The following BTNL2 variants were observed in gnomAD, a reference collection of about 807,000 sequenced individuals.
BTNL2 encodes the protein butyrophilin like 2.
A neutral mutation model predicts 46.8 loss-of-function variants in BTNL2; 46 were observed. That is an observed-to-expected ratio of 0.98 (90% CI 0.78 to 1.26). The LOEUF is 1.26. BTNL2 is among the 50% of genes most tolerant of loss of function. The pLI, the probability that BTNL2 is intolerant of heterozygous loss-of-function variation, is 0.00. For synonymous variants in BTNL2, 226 were observed against 229.1 expected (o/e 0.99, Z 0.12); for missense variants, 461 against 592.6 (o/e 0.78, Z 2.31).
intron 4 of BTNL2, among the ~76,000 whole-genome samples, chr6:32,397,881 G>A (rs116846438): frequency 0.012 from 1,862 of 152,280 alleles, 69 homozygotes; most frequent in East Asian, 0.11. Context: ...TGTAAGTCTG[G>A]TCCAGCCGCT....
At position 32,405,805 on chromosome 6, in the gene BTNL2, CTGTTTTTTTTT is replaced by C. The variant is rs9281779; in HGVS notation, c.80-530_80-520del. On this transcript the variant is annotated intron_variant, in intron 1 of 7. Coordinates refer to ENST00000454136, the MANE Select transcript of BTNL2 (RefSeq NM_001304561.2). ...ATTCCTCTTCTCTTAGATATAAAAA[CTGTTTTTTTTT>C]TGTTTTTTTTTTGTTTGTTTTTTTC... Among the ~76,000 whole-genome samples the C allele has an allele frequency of 0.014, 1,092 of 79,476 alleles. 24 individuals are homozygous for C. In the East Asian group the frequency reaches 0.14, roughly 10 times the overall value. 52.1% of individuals were successfully genotyped at this position (79,476 alleles called of 152,430 possible).
intron 4 of BTNL2, among the ~76,000 whole-genome samples, chr6:32,397,211 T>C (rs1332998594): frequency 6.6e-6 from 1 of 152,228 alleles, no homozygotes; most frequent in African/African-American, 2.4e-5. Flanking sequence ...AAAATTATTT[T>C]ATGAATAAGC....
chr6:32,394,594 C>T lies in BTNL2; in HGVS notation c.1360+150G>A. 1 of 908,420 alleles carries T rather than the reference C, an allele frequency of 1.1e-6. No homozygotes were observed. Among genetic ancestry groups the T allele is most frequent in the Non-Finnish European group, 1.6e-6 (1 of 621,150 alleles). The allele number at this position is 908,420 out of a possible 1,614,324, so 56.3% of individuals were successfully genotyped here. A position where few individuals can be genotyped will look rare whatever the true frequency, so the allele number is the denominator to read the frequency against. On this transcript the variant is annotated intron_variant, in intron 6 of 7. Transcript: ENST00000454136. This position sits in a 1 kb window ranked among gnomAD's most constrained non-coding sequence, Gnocchi z 4.6. ...CAGAGGAGTAGAATCCCTGGGTGTC[C>T]TGAAAACCAGCTTTGCAGAGGATAG...
chr6:32,403,107 G>A lies in BTNL2; in HGVS notation c.537C>T (p.Asp179=), dbSNP rs746683370. The change falls in exon 3 of 8, where the codon GAC becomes GAT. Residue 179 remains aspartate (D), a synonymous_variant. Coordinates refer to ENST00000454136, the MANE Select transcript of BTNL2 (RefSeq NM_001304561.2). ...WFPEPQVYWE[D]IRGEKLLAVS... is the part of the protein sequence containing the mutation. ...CGGCCAGCAGCTTCTCTCCCCGGAT[G>A]TCTTCCCAATACACCTGGGGCTCTG... 2 of 1,612,768 alleles carry A rather than the reference G, an allele frequency of 1.2e-6. No homozygotes were observed. Among genetic ancestry groups the A allele is most frequent in the South Asian group, 1.1e-5 (1 of 91,086 alleles).
rs747520368 is a variant in BTNL2, at chr6:32,405,348, T to C, written c.80-62A>G. ...CAATCAGAAAATCATATGCATGCTT[T>C]GGGGTGTCCAGCCTGTCAAAATGGA... On this transcript the variant is annotated intron_variant, in intron 1 of 7. Coordinates refer to ENST00000454136, the MANE Select transcript of BTNL2 (RefSeq NM_001304561.2). 19 of 1,500,390 alleles carry C rather than the reference T, an allele frequency of 1.3e-5. No individual in the cohort carries two copies. The South Asian group carries it at 2.2e-4, about 17-fold the overall frequency. 92.9% of individuals were successfully genotyped at this position (1,500,390 alleles called of 1,614,324 possible).
intron 4 of BTNL2, among the ~76,000 whole-genome samples, chr6:32,401,036 G>A (rs1776747539): frequency 1.5e-5 from 2 of 137,720 alleles, no homozygotes; most frequent in Non-Finnish European, 1.6e-5. Context: ...GTGAAATCTC[G>A]TCTCTACTAA....
intron 4 of BTNL2, among the ~76,000 whole-genome samples, chr6:32,401,277 A>G (rs1372959770): frequency 6.7e-6 from 1 of 148,740 alleles, no homozygotes; most frequent in East Asian, 2.0e-4. Context: ...GGTTGCACTC[A>G]GAAAGTAACA....
rs9268482 is a variant in BTNL2, at chr6:32,400,000, A to T, written c.730+1785T>A. Among the ~76,000 whole-genome samples the T allele has an allele frequency of 0.24, 36,231 of 152,042 alleles. 4,526 individuals are homozygous for T. Among genetic ancestry groups the T allele is most frequent in the Admixed American group, 0.29 (4,492 of 15,268 alleles). On this transcript the variant is annotated intron_variant, in intron 4 of 7. Coordinates refer to ENST00000454136, the MANE Select transcript of BTNL2 (RefSeq NM_001304561.2). This position sits in a 1 kb window ranked among gnomAD's most constrained non-coding sequence, Gnocchi z 5.2. Reference sequence around the variant, plus strand: ...GAGGTTACCATGACTTAGGAACAACAGGACATGGGGTCGTATTGTGTGTGC... The same window carrying T: ...GAGGTTACCATGACTTAGGAACAACTGGACATGGGGTCGTATTGTGTGTGC...
At position 32,394,641 on chromosome 6, in the gene BTNL2, A is replaced by C. The variant is rs889309418; in HGVS notation, c.1360+103T>G. The C allele has an allele frequency of 3.7e-6, 5 of 1,364,638 alleles. No individual in the cohort carries two copies. The African/African-American group carries it at 7.3e-5, about 20-fold the overall frequency. The allele number at this position is 1,364,638 out of a possible 1,614,324, so 84.5% of individuals were successfully genotyped here. A position where few individuals can be genotyped will look rare whatever the true frequency, so the allele number is the denominator to read the frequency against. On this transcript the variant is annotated intron_variant, in intron 6 of 7. Coordinates refer to ENST00000454136, the MANE Select transcript of BTNL2 (RefSeq NM_001304561.2). The surrounding 1 kb of genome is among the most constrained non-coding windows in gnomAD (Gnocchi z 4.6). ...ATAGCAGGAGACCTCGTCAGAGATC[A>C]GCAAATAAAAATCACAAAGGAAGAA...
At chr6:32,404,365 A>G (rs1776977612) in intron 2 of BTNL2, among the ~76,000 whole-genome samples, 1 of 152,146 alleles carries the variant, frequency 6.6e-6, no homozygotes, top group Non-Finnish European at 1.5e-5. Flanking sequence ...TACAACAGCA[A>G]TATGAAGAAC....
rs1171818199 is a variant in BTNL2, at chr6:32,405,019, G to A, written c.347C>T (p.Pro116Leu). 1.2e-6 allele frequency: 2 copies of A among 1,613,036 alleles called. No homozygotes were observed. Among genetic ancestry groups the A allele is most frequent in the Non-Finnish European group, 1.7e-6 (2 of 1,180,030 alleles). The stretch of plus-strand genomic sequence containing the variant: ...GCACCAGTATTGTCCATTGTCGGAG[G>A]GCTGGATGTTGTGTATCTTCAGTGC... ...NVALKIHNIQ[P>L]SDNGQYWCHF... The change falls in exon 2 of 8, where the codon CCC becomes CTC. Residue 116 changes from proline to leucine, a missense_variant. Pro to Leu is a moderately conservative substitution (Grantham distance 98). Coordinates refer to ENST00000454136, the MANE Select transcript of BTNL2 (RefSeq NM_001304561.2).
chr6:32,402,428 A>G (rs1001670172), intron 3 of BTNL2, among the ~76,000 whole-genome samples: 1 of 151,998 alleles, frequency 6.6e-6, no homozygotes, highest in East Asian at 2.0e-4. Context: ...AACCATTAAA[A>G]TTATTTAAAA....
In BTNL2 at chr6:32,399,524, TAG is replaced by T. The variant is rs1242497600; in HGVS notation, c.730+2259_730+2260del. Among the ~76,000 whole-genome samples the T allele has an allele frequency of 1.3e-5, 2 of 152,028 alleles. No individual in the cohort carries two copies. The highest frequency in any genetic ancestry group is 2.9e-5 in the Non-Finnish European group (2 of 67,990). ...CTGTTCACTTTAAAGATGAGAAAAA[TAG>T]AGATGAATGAGCTGACAAAGTCACA... On this transcript the variant is annotated intron_variant, in intron 4 of 7. Coordinates refer to ENST00000454136, the MANE Select transcript of BTNL2 (RefSeq NM_001304561.2). This position sits in a 1 kb window ranked among gnomAD's most constrained non-coding sequence, Gnocchi z 5.2.
In BTNL2 at chr6:32,405,057, T is replaced by G; in HGVS notation, c.309A>C (p.Ala103=). The change falls in exon 2 of 8, where the codon GCA becomes GCC. Residue 103 remains alanine (A), a synonymous_variant. Coordinates refer to ENST00000454136, the MANE Select transcript of BTNL2 (RefSeq NM_001304561.2). The part of the protein sequence containing the change: ...GWVEWIENGI[A]KGNVALKIHN... ...GTATCTTCAGTGCCACATTTCCCTT[T>G]GCAATGCCATTCTCTATCCACTCTA... 1.2e-6 allele frequency: 2 copies of G among 1,613,094 alleles called. No individual in the cohort carries two copies. Among genetic ancestry groups the G allele is most frequent in the Non-Finnish European group, 1.7e-6 (2 of 1,180,030 alleles).
At position 32,403,134 on chromosome 6, in the gene BTNL2, G is replaced by A. The variant is rs1776896458; in HGVS notation, c.510C>T (p.Phe170=). 5 of 1,612,666 alleles carry A rather than the reference G, an allele frequency of 3.1e-6. No homozygotes were observed. The highest frequency in any genetic ancestry group is 3.4e-6 in the Non-Finnish European group (4 of 1,179,900). The change falls in exon 3 of 8, where the codon TTC becomes TTT. Residue 170 remains phenylalanine, a synonymous_variant. Coordinates refer to ENST00000454136, the MANE Select transcript of BTNL2 (RefSeq NM_001304561.2). ...VQLVCTARGW[F]PEPQVYWEDI... The stretch of plus-strand genomic sequence containing the variant: ...CTTCCCAATACACCTGGGGCTCTGG[G>A]AACCAGCCCCTTGCAGTGCACACAA...
In BTNL2 at chr6:32,394,717, C is replaced by T. The variant is rs549507080; in HGVS notation, c.1360+27G>A. On this transcript the variant is annotated intron_variant, in intron 6 of 7. Transcript: ENST00000454136. The surrounding 1 kb of genome is among the most constrained non-coding windows in gnomAD (Gnocchi z 4.6). ...TTGGTCTTCATATTTATTTTCCAAACCTGAAGGAACATAAGGAATCACCAA... is the reference window on the plus strand; with the variant it reads ...TTGGTCTTCATATTTATTTTCCAAATCTGAAGGAACATAAGGAATCACCAA... 5.6e-6 allele frequency: 9 copies of T among 1,593,600 alleles called. 1 individual carries two copies. The South Asian group carries it at 1.0e-4, about 18-fold the overall frequency.
In BTNL2 at chr6:32,403,116, A is replaced by G. The variant is rs776296960; in HGVS notation, c.528T>C (p.Tyr176=). The G allele has an allele frequency of 1.1e-5, 18 of 1,612,730 alleles. No individual in the cohort carries two copies. In the African/African-American group the frequency reaches 1.3e-4, roughly 12 times the overall value. The change falls in exon 3 of 8, where the codon TAT becomes TAC. Residue 176 remains tyrosine, a synonymous_variant. Coordinates refer to ENST00000454136, the MANE Select transcript of BTNL2 (RefSeq NM_001304561.2). ...ARGWFPEPQV[Y]WEDIRGEKLL... ...GCTTCTCTCCCCGGATGTCTTCCCA[A>G]TACACCTGGGGCTCTGGGAACCAGC... is the stretch of plus-strand genomic sequence containing the variant.
intron 2 of BTNL2, among the ~76,000 whole-genome samples, chr6:32,403,517 C>G (rs60234039): frequency 0.12 from 18,525 of 152,090 alleles, 1,342 homozygotes; most frequent in East Asian, 0.31. Context: ...CAGAGATGAG[C>G]TGTAATTTAT....
intron 3 of BTNL2, 108 bp from the exon 4 acceptor site, chr6:32,401,913 T>G: frequency 1.2e-6 from 1 of 829,216 alleles, no homozygotes; most frequent in East Asian, 2.9e-5. Context: ...GGAAGCTCAA[T>G]TCATTAAAAA....
Sources: allele counts gnomAD v4.1 joint callset (sites outside exome capture counted in the v4.1 genomes callset), GRCh38; gene constraint gnomAD v4.1.1; non-coding constraint Gnocchi (gnomAD v3.1); transcripts MANE v1.5; gene names NCBI Gene and HGNC (gene_info 2026-07-23, HGNC 2026-07-21).